Variants in PLCH1 observed in about 807,000 individuals in gnomAD.
PLCH1 encodes phospholipase C eta 1.
PLCH1 carries 60 observed loss-of-function variants against 126.7 expected under a neutral mutation model. The observed-to-expected ratio is 0.47, with a 90% confidence interval of 0.38 to 0.59. PLCH1 has a LOEUF of 0.59. Ranked by LOEUF, PLCH1 falls within the 20% of genes least tolerant of loss-of-function variation. PLCH1 has a pLI of 0.00. For synonymous variants in PLCH1, 719 were observed against 734.9 expected, an observed-to-expected ratio of 0.98 and a Z score of 0.35; for missense variants, 1,723 against 2,040.0, an observed-to-expected ratio of 0.84 and a Z score of 2.99.
At chr3:155,735,400 A>C (rs62284704) in intron 1 of PLCH1, among the ~76,000 whole-genome samples, 20,873 of 152,054 alleles carry the variant, frequency 0.14, 1,710 homozygotes, top group African/African-American at 0.23. Flanking sequence ...TTGGGAGGCC[A>C]AGGCAGGTGG....
At chr3:155,566,373 A>G (rs1195667486) in intron 7 of PLCH1, among the ~76,000 whole-genome samples, 1 of 145,058 alleles carries the variant, frequency 6.9e-6, no homozygotes, top group African/African-American at 2.5e-5. Flanking sequence ...ACACATATAT[A>G]TATGTGTGTA....
chr3:155,635,503 C>A (rs1485609161), intron 2 of PLCH1, among the ~76,000 whole-genome samples: 1 of 152,226 alleles, frequency 6.6e-6, no homozygotes, highest in African/African-American at 2.4e-5. Context: ...AAGATTCAGA[C>A]TTGATTTAAC....
chr3:155,629,766 G>T (rs1392355429), intron 2 of PLCH1, among the ~76,000 whole-genome samples: 1 of 152,218 alleles, frequency 6.6e-6, no homozygotes, highest in African/African-American at 2.4e-5. Flanking sequence ...CTCGCCAGGG[G>T]CCTGCATGGT....
At chr3:155,663,198 T>C (rs1054733676) in intron 2 of PLCH1, among the ~76,000 whole-genome samples, 1 of 152,246 alleles carries the variant, frequency 6.6e-6, no homozygotes, top group African/African-American at 2.4e-5. Flanking sequence ...AGTTAAATTC[T>C]AGAAAGGTTT....
At chr3:155,455,093 T>C (rs1224062354) in intron 21 of PLCH1, among the ~76,000 whole-genome samples, 1 of 152,334 alleles carries the variant, frequency 6.6e-6, no homozygotes, top group East Asian at 1.9e-4. Flanking sequence ...ACAATACTAT[T>C]ATGTGTTAAT....
intron 2 of PLCH1, among the ~76,000 whole-genome samples, chr3:155,640,378 A>G (rs1327866040): frequency 1.3e-5 from 2 of 152,248 alleles, no homozygotes; most frequent in Non-Finnish European, 2.9e-5. Context: ...AAAAACTAAA[A>G]TGAGAGTGAG....
At chr3:155,566,956 T>G (rs1436111747) in intron 7 of PLCH1, among the ~76,000 whole-genome samples, 2 of 152,228 alleles carry the variant, frequency 1.3e-5, no homozygotes, top group Non-Finnish European at 2.9e-5. Flanking sequence ...TTTAATTCCA[T>G]CTTTTCAGGC....
At chr3:155,560,192 T>A (rs937379900) in intron 8 of PLCH1, among the ~76,000 whole-genome samples, 1 of 152,176 alleles carries the variant, frequency 6.6e-6, no homozygotes, top group Non-Finnish European at 1.5e-5. Flanking sequence ...TAAAAGTCAT[T>A]TTCTGTACTT....
intron 2 of PLCH1, among the ~76,000 whole-genome samples, chr3:155,614,472 GA>G (rs1486470051): frequency 1.4e-5 from 2 of 147,938 alleles, no homozygotes; most frequent in African/African-American, 5.0e-5. Flanking sequence ...GAACAGAATA[GA>G]GAACTAAGAC....
Position 155,617,932 on chromosome 3 carries a change from T to C in PLCH1, c.80-21554A>G, listed in dbSNP as rs573640868. 4.1e-3 allele frequency among the ~76,000 whole-genome samples: 631 copies of C among 152,288 alleles called. 1 individual carries two copies. The highest frequency in any genetic ancestry group is 7.3e-3 in the Non-Finnish European group (498 of 68,010). On this transcript the variant is annotated intron_variant, in intron 2 of 22. Transcript: ENST00000460012. ...ATAGGAGAGGAATTCATCCAATTCA[T>C]ACAGGTATTTGCAGGCACAAATAAA...
At chr3:155,474,244 A>G (rs1713417266) in intron 21 of PLCH1, among the ~76,000 whole-genome samples, 3 of 148,298 alleles carry the variant, frequency 2.0e-5, no homozygotes, top group East Asian at 2.0e-4. Flanking sequence ...AAAACAAACA[A>G]CCCCATCAAA....
chr3:155,709,760 A>G (rs1350629151), intron 1 of PLCH1, among the ~76,000 whole-genome samples: 4 of 152,020 alleles, frequency 2.6e-5, no homozygotes, highest in Non-Finnish European at 5.9e-5. Flanking sequence ...TGGGACCACC[A>G]GCGTGAACCA....
At position 155,670,159 on chromosome 3, in the gene PLCH1, T is replaced by G. The variant is rs139953084; in HGVS notation, c.79+33987A>C. ...TCAAAATAAAACAAAGAAAAAAGAT[T>G]ATCAAGGGCAAATGATGAGCTCAGA... On this transcript the variant is annotated intron_variant, in intron 2 of 22. Coordinates refer to ENST00000460012, the MANE Select transcript of PLCH1 (RefSeq NM_014996.4). 6.3e-4 allele frequency among the ~76,000 whole-genome samples: 96 copies of G among 152,282 alleles called. 1 individual carries two copies. Among genetic ancestry groups the G allele is most frequent in the South Asian group, 1.7e-3 (8 of 4,822 alleles).
chr3:155,583,384 A>G (rs1730954259), intron 6 of PLCH1, 88 bp downstream of exon 6: 7 of 1,089,722 alleles, frequency 6.4e-6, no homozygotes, highest in Non-Finnish European at 9.3e-6. Context: ...TGCAAAATTC[A>G]AAGTATACCT....
chr3:155,703,878 G>C lies in PLCH1; in HGVS notation c.79+268C>G, dbSNP rs576159932. On this transcript the variant is annotated intron_variant, in intron 2 of 22. Coordinates refer to ENST00000460012, the MANE Select transcript of PLCH1 (RefSeq NM_014996.4). ...AAGGGATATTACTGGAGTTGACAGT[G>C]TGGTAGAAGAGGAAAGGCACTGGTA... 2.0e-5 allele frequency among the ~76,000 whole-genome samples: 3 copies of C among 152,300 alleles called. No individual in the cohort carries two copies. In the East Asian group the frequency reaches 5.8e-4, roughly 29 times the overall value.
chr3:155,620,442 T>C (rs1180543656), intron 2 of PLCH1, among the ~76,000 whole-genome samples: 1 of 152,078 alleles, frequency 6.6e-6, no homozygotes, highest in Non-Finnish European at 1.5e-5. Context: ...AAGTGTACAA[T>C]AATTGACAAG....
chr3:155,625,761 A>T (rs1048325493), intron 2 of PLCH1, among the ~76,000 whole-genome samples: 3 of 152,220 alleles, frequency 2.0e-5, no homozygotes, highest in African/African-American at 7.2e-5. Context: ...AGAAATAGGA[A>T]TGCTTTTACA....
At chr3:155,559,066 A>G (rs1282792728) in intron 8 of PLCH1, among the ~76,000 whole-genome samples, 1 of 152,092 alleles carries the variant, frequency 6.6e-6, no homozygotes, top group East Asian at 1.9e-4. Context: ...TCCTTATATG[A>G]CATGACAGCC....
At chr3:155,649,114 G>A (rs1462264388) in intron 2 of PLCH1, among the ~76,000 whole-genome samples, 2 of 152,126 alleles carry the variant, frequency 1.3e-5, no homozygotes, top group Admixed American at 6.5e-5. Flanking sequence ...CAAGAGGGGG[G>A]CTCAGAGGGC....
Sources: gnomAD v4.1 joint callset for allele counts (sites outside exome capture counted in the v4.1 genomes callset) on GRCh38, gnomAD v4.1.1 for gene constraint, MANE v1.5 for transcripts, NCBI Gene and HGNC (gene_info 2026-07-23, HGNC 2026-07-21) for gene names.